ABL1: variants seen among roughly 807,000 people sequenced by gnomAD.
ABL1 encodes the protein ABL proto-oncogene 1, non-receptor tyrosine kinase.
A neutral mutation model predicts 94.7 loss-of-function variants in ABL1; 11 were observed. The ratio of observed to expected loss-of-function variants is 0.12; its 90% CI spans 0.07 to 0.19. The LOEUF (loss-of-function observed/expected upper bound fraction) is 0.19. Ranked by LOEUF, ABL1 falls within the 10% of genes least tolerant of loss-of-function variation. The pLI is 1.00. For missense variants in ABL1, 1,082 were observed against 1,489.4 expected, an observed-to-expected ratio of 0.73 and a Z score of 4.50; for synonymous variants, 656 against 622.4, an observed-to-expected ratio of 1.05 and a Z score of -0.80.
chr9:130,877,679 C>T lies in ABL1; in HGVS notation c.1271-736C>T, dbSNP rs1169635779. On this transcript the variant is annotated intron_variant, in intron 7 of 10. Transcript: ENST00000318560. ...TTTTTGAGACGGGGTCTTGCTCTGT[C>T]GCCCAGGCTGGCGTGCAGTGGAGCA... 1.2e-4 allele frequency among the ~76,000 whole-genome samples: 17 copies of T among 146,142 alleles called. 3 individuals carry two copies. The highest frequency in any genetic ancestry group is 1.4e-4 in the Admixed American group (2 of 14,752).
intron 1 of ABL1, among the ~76,000 whole-genome samples, chr9:130,797,594 C>G (rs914858021): frequency 3.3e-5 from 5 of 152,112 alleles, no homozygotes; most frequent in Admixed American, 1.3e-4. Flanking sequence ...AGGCTTGTCT[C>G]GAACTCCTAG....
In ABL1 at chr9:130,819,092, G is replaced by C. The variant is rs531039335; in HGVS notation, c.137-34972G>C. Among the ~76,000 whole-genome samples the C allele has an allele frequency of 2.6e-5, 4 of 152,318 alleles. No individual in the cohort carries two copies. In the East Asian group the frequency reaches 7.7e-4, roughly 29 times the overall value. ...CATCCTGCCGGGCGCGATGGCTCAT[G>C]CCTCTAATCCCAGCACTTTGGGAGG... On this transcript the variant is annotated intron_variant, in intron 1 of 10. Transcript: ENST00000372348.
chr9:130,795,566 A>T (rs1000751172), intron 1 of ABL1, among the ~76,000 whole-genome samples: 2 of 152,184 alleles, frequency 1.3e-5, no homozygotes, highest in Non-Finnish European at 2.9e-5. Flanking sequence ...AAAACTGACC[A>T]CATTCTTTTG....
intron 1 of ABL1, among the ~76,000 whole-genome samples, chr9:130,728,230 A>ATTTT (rs55915035): frequency 9.7e-6 from 1 of 102,634 alleles, no homozygotes. Context: ...TGTCCAGCTG[A>ATTTT]TTTTTTTTTT....
In ABL1 at chr9:130,746,566, C is replaced by T. The variant is rs1019518009; in HGVS notation, c.136+32111C>T. On this transcript the variant is annotated intron_variant, in intron 1 of 10. Coordinates refer to the ABL1 transcript ENST00000372348. ...TTTGAGATTGGCTTCTTTCACTGAG[C>T]GTAATGCCTTTGAGATCCATCTAAA... Among the ~76,000 whole-genome samples the T allele has an allele frequency of 4.0e-5, 6 of 150,746 alleles. No homozygotes were observed. The South Asian group carries it at 1.3e-3, about 32-fold the overall frequency.
intron 1 of ABL1, among the ~76,000 whole-genome samples, chr9:130,730,998 CTTTTTT>C (rs11300328): frequency 4.7e-5 from 3 of 64,462 alleles, no homozygotes; most frequent in Non-Finnish European, 8.2e-5. Flanking sequence ...CTCTATCTCT[CTTTTTT>C]TTTTTTTTTT....
intron 1 of ABL1, among the ~76,000 whole-genome samples, chr9:130,769,426 G>A (rs1015100192): frequency 1.4e-5 from 2 of 144,950 alleles, no homozygotes; most frequent in Non-Finnish European, 3.0e-5. Flanking sequence ...CCACCTCCCG[G>A]GTTCAAGCGA....
At chr9:130,715,791 A>G (rs1158809976) in intron 1 of ABL1, among the ~76,000 whole-genome samples, 1 of 152,228 alleles carries the variant, frequency 6.6e-6, no homozygotes, top group Non-Finnish European at 1.5e-5. Flanking sequence ...TAGAGAAAGC[A>G]GTGTAGTTCC....
At chr9:130,841,169 CAA>C (rs1012081605) in intron 1 of ABL1, among the ~76,000 whole-genome samples, 14 of 150,354 alleles carry the variant, frequency 9.3e-5, no homozygotes, top group Non-Finnish European at 1.9e-4. Flanking sequence ...TTTTTTGAGA[CAA>C]GAGTCTCACT....
Position 130,884,921 on chromosome 9 carries a change from G to T in ABL1, c.2631G>T (p.Arg877Ser). Residue 877 changes from arginine (R) to serine (S), a missense_variant, in exon 11 of 11, where the codon AGG becomes AGT. Coordinates refer to ENST00000318560, the MANE Select transcript of ABL1 (RefSeq NM_005157.6). The surrounding 1 kb of genome is among the most constrained non-coding windows in gnomAD (Gnocchi z 5.6). ...CCGCCGAGGAGTCCAGAGTGAGGAG[G>T]CACAAGCACTCCTCTGAGTCGCCAG... Reference protein sequence around the residue: ...KGPAEESRVRRHKHSSESPGR... With the variant: ...KGPAEESRVRSHKHSSESPGR... The T allele has an allele frequency of 6.2e-7, 1 of 1,611,644 alleles. No individual in the cohort carries two copies. The highest frequency in any genetic ancestry group is 8.5e-7 in the Non-Finnish European group (1 of 1,179,584).
At chr9:130,874,435 C>A (rs1187903328) in intron 6 of ABL1, among the ~76,000 whole-genome samples, 2 of 152,216 alleles carry the variant, frequency 1.3e-5, no homozygotes, top group Non-Finnish European at 2.9e-5. Context: ...TTCTTGCAAT[C>A]AAGGACTGGG....
At chr9:130,747,827 A>G (rs1588220980) in intron 1 of ABL1, among the ~76,000 whole-genome samples, 2 of 152,268 alleles carry the variant, frequency 1.3e-5, no homozygotes, top group Admixed American at 1.3e-4. Context: ...CTTTTCTCCC[A>G]TATAGGGTAC....
intron 1 of ABL1, among the ~76,000 whole-genome samples, chr9:130,724,185 C>G (rs1564268706): frequency 6.6e-6 from 1 of 152,206 alleles, no homozygotes; most frequent in Non-Finnish European, 1.5e-5. Context: ...TCACTGTTCA[C>G]TGCAGCCTCG....
intron 1 of ABL1, among the ~76,000 whole-genome samples, chr9:130,716,049 T>G (rs1367439861): frequency 6.8e-6 from 1 of 147,678 alleles, no homozygotes; most frequent in Non-Finnish European, 1.5e-5. Context: ...CACATATATA[T>G]CCACTTTTCA....
At chr9:130,734,547 G>C (rs1049178978) in intron 1 of ABL1, among the ~76,000 whole-genome samples, 5 of 124,224 alleles carry the variant, frequency 4.0e-5, no homozygotes, top group Non-Finnish European at 6.9e-5. Context: ...TTTGAGACAG[G>C]GTCTCACTCC....
chr9:130,767,563 C>G (rs1045459620), intron 1 of ABL1, among the ~76,000 whole-genome samples: 8 of 152,202 alleles, frequency 5.3e-5, no homozygotes, highest in African/African-American at 1.9e-4. Context: ...GAACTCCTGA[C>G]CTCAGGTGAT....
intron 4 of ABL1, among the ~76,000 whole-genome samples, chr9:130,867,951 G>A (rs919673907): frequency 1.6e-5 from 2 of 125,268 alleles, no homozygotes; most frequent in Non-Finnish European, 3.4e-5. Flanking sequence ...TTTTTTTTTT[G>A]CTTTTTGTTT....
intron 1 of ABL1, among the ~76,000 whole-genome samples, chr9:130,717,910 G>A (rs984085153): frequency 2.0e-5 from 3 of 152,070 alleles, no homozygotes; most frequent in Non-Finnish European, 4.4e-5. Context: ...CTACTCAGGA[G>A]GCTGAGGCAG....
At chr9:130,776,220 G>T (rs1453245969) in intron 1 of ABL1, among the ~76,000 whole-genome samples, 1 of 152,208 alleles carries the variant, frequency 6.6e-6, no homozygotes, top group Non-Finnish European at 1.5e-5. Context: ...TGGGATAACA[G>T]AGCTAAACTT....
Sources: gnomAD v4.1 joint callset for allele counts (sites outside exome capture counted in the v4.1 genomes callset) on GRCh38, gnomAD v4.1.1 for gene constraint, Gnocchi (gnomAD v3.1) non-coding constraint, MANE v1.5 for transcripts, NCBI Gene and HGNC (gene_info 2026-07-23, HGNC 2026-07-21) for gene names.